The following GRIA2 variants were observed in gnomAD, a reference collection of about 807,000 sequenced individuals.
GRIA2 encodes glutamate ionotropic receptor AMPA type subunit 2, also known as glutamate receptor 2.
In GRIA2, 14 loss-of-function variants were observed where a neutral mutation model predicts 97.3. The ratio of observed to expected loss-of-function variants is 0.14; its 90% CI spans 0.10 to 0.23. GRIA2 has a LOEUF of 0.23. Among genes scored for constraint, GRIA2 ranks in the 10% least tolerant of loss-of-function variants. GRIA2 has a pLI of 1.00. For synonymous variants in GRIA2, 412 were observed against 387.8 expected, an observed-to-expected ratio of 1.06 and a Z score of -0.73; for missense variants, 558 against 1,069.8, an observed-to-expected ratio of 0.52 and a Z score of 6.67.
chr4:157,335,456 C>T lies in GRIA2; in HGVS notation c.1267-215C>T, dbSNP rs1348708392. ...CTTGTTAACTCAGTATGCTTGCATACAAGCCGTCTTAATGAATTATAGTGA... is the reference window on the plus strand; with the variant it reads ...CTTGTTAACTCAGTATGCTTGCATATAAGCCGTCTTAATGAATTATAGTGA... On this transcript the variant is annotated intron_variant, in intron 9 of 15. Coordinates refer to ENST00000264426, the MANE Select transcript of GRIA2 (RefSeq NM_001083619.3). 5.5e-6 allele frequency: 3 copies of T among 549,112 alleles called. No homozygotes were observed. In the African/African-American group the frequency reaches 5.7e-5, roughly 10 times the overall value. The allele number at this position is 549,112 out of a possible 1,614,324, so 34.0% of individuals were successfully genotyped here.
chr4:157,259,218 A>T (rs1327660971), intron 2 of GRIA2, among the ~76,000 whole-genome samples: 1 of 152,030 alleles, frequency 6.6e-6, no homozygotes, highest in African/African-American at 2.4e-5. Context: ...ACACAGTGAG[A>T]CCCTGTCTGA....
intron 6 of GRIA2, among the ~76,000 whole-genome samples, chr4:157,324,690 G>A (rs915064773): frequency 6.6e-6 from 1 of 152,084 alleles, no homozygotes; most frequent in African/African-American, 2.4e-5. Context: ...AGTGAGGAGG[G>A]AGGTCATGTT....
intron 2 of GRIA2, among the ~76,000 whole-genome samples, chr4:157,298,663 G>C (rs1456576951): frequency 2.9e-5 from 2 of 67,964 alleles, no homozygotes; most frequent in South Asian, 1.1e-3. Flanking sequence ...CTCTAGATTT[G>C]AACGTTATAT....
intron 2 of GRIA2, among the ~76,000 whole-genome samples, chr4:157,232,792 G>A (rs1277930877): frequency 2.0e-5 from 3 of 152,108 alleles, no homozygotes; most frequent in Non-Finnish European, 4.4e-5. Flanking sequence ...GTTGTAGTTT[G>A]TAGCCTTGGT....
At chr4:157,275,749 C>G (rs1418382909) in intron 2 of GRIA2, among the ~76,000 whole-genome samples, 1 of 152,046 alleles carries the variant, frequency 6.6e-6, no homozygotes, top group Non-Finnish European at 1.5e-5. Context: ...GGTACCAGTA[C>G]CATGCTGTTT....
chr4:157,320,993 C>T (rs567363500), intron 5 of GRIA2, among the ~76,000 whole-genome samples: 32 of 152,130 alleles, frequency 2.1e-4, no homozygotes, highest in Non-Finnish European at 4.4e-4. Flanking sequence ...GAAGATGTTC[C>T]TATCACCTGA....
At chr4:157,332,619 G>C (rs1051801838) in intron 6 of GRIA2, among the ~76,000 whole-genome samples, 200 bp from the exon 7 acceptor site, 7 of 151,842 alleles carry the variant, frequency 4.6e-5, no homozygotes, top group African/African-American at 1.7e-4. Context: ...AAAATGTTTA[G>C]AGTCAGGAGC....
intron 2 of GRIA2, among the ~76,000 whole-genome samples, chr4:157,302,328 T>A (rs536425633): frequency 6.6e-5 from 10 of 152,342 alleles, no homozygotes; most frequent in Non-Finnish European, 1.0e-4. Context: ...GATTTATGTT[T>A]CAAAATATTA....
intron 12 of GRIA2, among the ~76,000 whole-genome samples, chr4:157,347,394 G>T (rs1056260324): frequency 1.3e-5 from 2 of 152,124 alleles, no homozygotes; most frequent in African/African-American, 4.8e-5. Flanking sequence ...TGACTAATAA[G>T]ATTACAGGAA....
rs1487453357 is a variant in GRIA2, at chr4:157,326,868, A to C, written c.882+5269A>C. The stretch of plus-strand genomic sequence containing the variant: ...GAACTACAAGAGGAGAGTGCTGATC[A>C]TGGCTTTGATACAGGAAGATTACTA... On this transcript the variant is annotated intron_variant, in intron 6 of 15. Coordinates refer to ENST00000264426, the MANE Select transcript of GRIA2 (RefSeq NM_001083619.3). Among the ~76,000 whole-genome samples the C allele has an allele frequency of 3.3e-5, 5 of 152,132 alleles. No individual in the cohort carries two copies. The South Asian group carries it at 8.3e-4, about 25-fold the overall frequency.
chr4:157,307,996 G>T (rs1291130298), intron 3 of GRIA2, among the ~76,000 whole-genome samples: 2 of 152,216 alleles, frequency 1.3e-5, no homozygotes, highest in African/African-American at 4.8e-5. Flanking sequence ...ATGCTTGAAA[G>T]AATAAGTACA....
chr4:157,294,271 T>C (rs1733239673), intron 2 of GRIA2, among the ~76,000 whole-genome samples: 1 of 152,086 alleles, frequency 6.6e-6, no homozygotes, highest in South Asian at 2.1e-4. Context: ...TTTCAGTTAT[T>C]TTGTTTAAAA....
At chr4:157,324,701 A>T (rs1390317593) in intron 6 of GRIA2, among the ~76,000 whole-genome samples, 2 of 152,186 alleles carry the variant, frequency 1.3e-5, no homozygotes, top group Non-Finnish European at 2.9e-5. Flanking sequence ...AGGTCATGTT[A>T]TGGAAGTTGC....
chr4:157,308,447 G>T (rs967864637), intron 3 of GRIA2, among the ~76,000 whole-genome samples: 3 of 151,994 alleles, frequency 2.0e-5, no homozygotes, highest in Non-Finnish European at 4.4e-5. Flanking sequence ...ATTCTTGAGG[G>T]TTTAAAAGAA....
chr4:157,273,167 A>G (rs1417599306), intron 2 of GRIA2, among the ~76,000 whole-genome samples: 13 of 152,130 alleles, frequency 8.5e-5, no homozygotes, highest in Non-Finnish European at 1.9e-4. Flanking sequence ...TTTAAAGTAT[A>G]TAGGAGGATG....
chr4:157,280,239 C>A (rs2126812104), intron 2 of GRIA2, among the ~76,000 whole-genome samples: 1 of 152,170 alleles, frequency 6.6e-6, no homozygotes, highest in Non-Finnish European at 1.5e-5. Flanking sequence ...AAGACGAATA[C>A]CCTTATTAAT....
At chr4:157,290,107 A>C (rs1031329704) in intron 2 of GRIA2, among the ~76,000 whole-genome samples, 1 of 151,898 alleles carries the variant, frequency 6.6e-6, no homozygotes, top group Admixed American at 6.6e-5. Flanking sequence ...ATTACTTAAA[A>C]GAATAATGGT....
In GRIA2 at chr4:157,355,929, ATATT is replaced by A. The variant is rs1308421863; in HGVS notation, c.2044-3963_2044-3960del. On this transcript the variant is annotated intron_variant, in intron 12 of 15. Transcript: ENST00000264426. ...TATATATATATTAATATATTTATAT[ATATT>A]TATATATTAATATATATTTATATAT... Among the ~76,000 whole-genome samples, 497 of 53,372 alleles carry A rather than the reference ATATT, an allele frequency of 9.3e-3. 5 individuals are homozygous for A. Among genetic ancestry groups the A allele is most frequent in the Non-Finnish European group, 0.012 (367 of 30,484 alleles). The allele number at this position is 53,372 out of a possible 152,430, so 35.0% of individuals were successfully genotyped here. A position where few individuals can be genotyped will look rare whatever the true frequency, so the allele number is the denominator to read the frequency against.
chr4:157,272,779 G>A (rs1732092733), intron 2 of GRIA2, among the ~76,000 whole-genome samples: 1 of 152,076 alleles, frequency 6.6e-6, no homozygotes, highest in South Asian at 2.1e-4. Context: ...CCTAGAGAAG[G>A]GGAAATACTC....
Sources: allele counts gnomAD v4.1 joint callset (sites outside exome capture counted in the v4.1 genomes callset), GRCh38; gene constraint gnomAD v4.1.1; transcripts MANE v1.5; gene names NCBI Gene and HGNC (gene_info 2026-07-23, HGNC 2026-07-21).